The following PFKP variants were observed in gnomAD, a reference collection of about 807,000 sequenced individuals.
PFKP encodes the protein phosphofructokinase, platelet.
Under a neutral mutation model 94.3 loss-of-function variants are expected in PFKP, and 101 were observed. That is an observed-to-expected ratio of 1.07 (90% CI 0.91 to 1.26). PFKP has a LOEUF of 1.26. Ranked by LOEUF, PFKP falls within the 50% of genes most tolerant of loss-of-function variation. The pLI, the probability that PFKP is intolerant of heterozygous loss-of-function variation, is 0.00. For missense variants in PFKP, 1,145 were observed against 1,103.3 expected (o/e 1.04, Z -0.53); for synonymous variants, 573 against 432.6 (o/e 1.32, Z -4.03).
chr10:3,103,787 G>C lies in PFKP; in HGVS notation c.463G>C (p.Asp155His). The C allele has an allele frequency of 6.2e-7, 1 of 1,613,902 alleles. No homozygotes were observed. The highest frequency in any genetic ancestry group is 8.5e-7 in the Non-Finnish European group (1 of 1,180,038). The change falls in exon 5 of 22, where the codon GAT (aspartate) becomes CAT (histidine). Residue 155 changes from aspartate (D) to histidine (H), a missense_variant. Transcript: ENST00000381125. ...GTTTGCTCCCCGCGCAGGCCAGATC[G>C]ATAAGGAGGCCGTGCAGAAGTACGC... is the stretch of plus-strand genomic sequence containing the variant. ...LEELARNGQI[D>H]KEAVQKYAYL...
chr10:3,072,352 G>A (rs1832260749), intron 1 of PFKP, among the ~76,000 whole-genome samples: 1 of 152,238 alleles, frequency 6.6e-6, no homozygotes, highest in Admixed American at 6.5e-5. Context: ...CACCTTTGGT[G>A]TCTGAAGCAA....
intron 13 of PFKP, among the ~76,000 whole-genome samples, chr10:3,115,221 A>T (rs565018347): frequency 6.9e-6 from 1 of 145,728 alleles, no homozygotes; most frequent in Non-Finnish European, 1.5e-5. Flanking sequence ...CCAGGGTGAA[A>T]GTGTGTGTCC....
intron 17 of PFKP, among the ~76,000 whole-genome samples, chr10:3,131,634 T>C (rs1838601674): frequency 6.6e-6 from 1 of 151,952 alleles, no homozygotes; most frequent in Admixed American, 6.6e-5. Context: ...TTTTTTGTAT[T>C]TTTAGTAGAG....
intron 1 of PFKP, among the ~76,000 whole-genome samples, chr10:3,068,984 G>T (rs1366157341): frequency 6.6e-6 from 1 of 151,706 alleles, no homozygotes; most frequent in Non-Finnish European, 1.5e-5. Flanking sequence ...CCTTGAGCGC[G>T]CGGGGCGGGC....
rs574004206 is a variant in PFKP at position 3,122,647 on chromosome 10, G to T, written c.1683+2603G>T. 2.0e-5 allele frequency among the ~76,000 whole-genome samples: 3 copies of T among 152,356 alleles called. No homozygotes were observed. The East Asian group carries it at 5.8e-4, about 29-fold the overall frequency. ...CGCCGGAGGCTGAGGACGCATGGGA[G>T]TGAGCGTCTCTTCCCTGTCCGGCCA... On this transcript the variant is annotated intron_variant, in intron 16 of 21. Coordinates refer to ENST00000381125, the MANE Select transcript of PFKP (RefSeq NM_002627.5).
At chr10:3,107,085 G>A in intron 7 of PFKP, 129 bp from the exon 8 acceptor site, 2 of 590,604 alleles carry the variant, frequency 3.4e-6, no homozygotes, top group East Asian at 3.1e-5. Context: ...GCAGCTCTTA[G>A]GAAGTTAGGC....
At chr10:3,131,255 G>A (rs1314925881) in intron 17 of PFKP, among the ~76,000 whole-genome samples, 1 of 152,150 alleles carries the variant, frequency 6.6e-6, no homozygotes, top group Non-Finnish European at 1.5e-5. Context: ...CAACAGGTGT[G>A]CAGCAGGCTC....
Position 3,108,134 on chromosome 10 carries a change from A to T in PFKP, c.871-567A>T, listed in dbSNP as rs2131580547. 4 of 734,520 alleles carry T rather than the reference A, an allele frequency of 5.4e-6. No homozygotes were observed. In the South Asian group the frequency reaches 6.7e-5, roughly 12 times the overall value. 45.5% of individuals were successfully genotyped at this position (734,520 alleles called of 1,614,324 possible). A position where few individuals can be genotyped will look rare whatever the true frequency, so the allele number is the denominator to read the frequency against. On this transcript the variant is annotated intron_variant, in intron 8 of 21. Transcript: ENST00000381125. The stretch of plus-strand genomic sequence containing the variant: ...AGATTTTATTTCCCGCTTAACTGTA[A>T]TTAAATTATAGGACAATGGACCGAG...
intron 14 of PFKP, among the ~76,000 whole-genome samples, chr10:3,118,121 A>G (rs2131629957): frequency 6.6e-6 from 1 of 152,276 alleles, no homozygotes. Flanking sequence ...GGGATTTTAA[A>G]TGAGATCAAT....
intron 16 of PFKP, among the ~76,000 whole-genome samples, chr10:3,125,562 C>T (rs1387920102): frequency 6.6e-6 from 1 of 152,068 alleles, no homozygotes; most frequent in Non-Finnish European, 1.5e-5. Flanking sequence ...AGTAGTGAGG[C>T]TGCAGGGCCA....
intron 15 of PFKP, 76 bp from the exon 16 acceptor site, chr10:3,119,816 C>T: frequency 7.0e-7 from 1 of 1,420,396 alleles, no homozygotes. Flanking sequence ...GGAGGTGGCG[C>T]TCCCAGCCTC....
intron 2 of PFKP, among the ~76,000 whole-genome samples, chr10:3,084,365 T>C (rs990266395): frequency 6.6e-6 from 1 of 152,228 alleles, no homozygotes; most frequent in African/African-American, 2.4e-5. Context: ...TTTGGTGAAA[T>C]GGTTGCTACT....
Position 3,086,377 on chromosome 10 carries a change from G to A in PFKP, c.186+3916G>A, listed in dbSNP as rs538804113. On this transcript the variant is annotated intron_variant, in intron 2 of 21. Coordinates refer to ENST00000381125, the MANE Select transcript of PFKP (RefSeq NM_002627.5). ...ACTTACCTTAGTTCACTTTCTCCGC[G>A]TCACCACTCAGCATGTTCAGGGCCA... Among the ~76,000 whole-genome samples the A allele has an allele frequency of 3.3e-5, 5 of 152,290 alleles. No homozygotes were observed. The East Asian group carries it at 5.8e-4, about 18-fold the overall frequency.
At chr10:3,084,382 C>A (rs1833322390) in intron 2 of PFKP, among the ~76,000 whole-genome samples, 3 of 152,156 alleles carry the variant, frequency 2.0e-5, no homozygotes, top group African/African-American at 4.8e-5. Flanking sequence ...TACTATTATT[C>A]TTTGCTCATT....
intron 1 of PFKP, among the ~76,000 whole-genome samples, chr10:3,080,099 CAG>C (rs79799896): frequency 0.21 from 32,269 of 151,726 alleles, 4,059 homozygotes; most frequent in East Asian, 0.35. Context: ...GGTTCAGGAA[CAG>C]GAGCCTCCGA....
At chr10:3,082,902 G>A (rs1833199492) in intron 2 of PFKP, among the ~76,000 whole-genome samples, 1 of 152,038 alleles carries the variant, frequency 6.6e-6, no homozygotes, top group African/African-American at 2.4e-5. Context: ...TAGTAGAGAA[G>A]GGGTCTCACC....
chr10:3,101,098 T>A (rs1028178163), intron 3 of PFKP: 2 of 960,940 alleles, frequency 2.1e-6, no homozygotes, highest in East Asian at 4.8e-5. Context: ...TCCTGCTCCA[T>A]GTATTTAACT....
intron 1 of PFKP, chr10:3,069,421 G>C: frequency 6.4e-7 from 1 of 1,566,266 alleles, no homozygotes; most frequent in Non-Finnish European, 8.7e-7. Flanking sequence ...GGTCGGGATA[G>C]GACCCAGAGT....
intron 14 of PFKP, 118 bp downstream of exon 14, chr10:3,116,964 G>C (rs1836895543): frequency 1.2e-6 from 1 of 813,152 alleles, no homozygotes; most frequent in South Asian, 1.4e-5. Context: ...GTCCCTAAGG[G>C]AGGGGTGCAG....
Sources: allele counts gnomAD v4.1 joint callset (sites outside exome capture counted in the v4.1 genomes callset), GRCh38; gene constraint gnomAD v4.1.1; transcripts MANE v1.5; gene names NCBI Gene and HGNC (gene_info 2026-07-23, HGNC 2026-07-21).